The following SNTG1 variants were observed in gnomAD, a reference collection of about 807,000 sequenced individuals.
The protein encoded by SNTG1 is syntrophin gamma 1, also known as gamma-1-syntrophin.
Under a neutral mutation model 74.7 loss-of-function variants are expected in SNTG1, and 39 were observed. The ratio of observed to expected loss-of-function variants is 0.52; its 90% CI spans 0.40 to 0.68. The LOEUF is 0.68. SNTG1 is among the 30% of genes least tolerant of loss of function. The pLI, the probability that SNTG1 is intolerant of heterozygous loss-of-function variation, is 0.00. For missense variants in SNTG1, 685 were observed against 609.5 expected (o/e 1.12, Z -1.30); for synonymous variants, 254 against 217.1 (o/e 1.17, Z -1.49).
intron 2 of SNTG1, among the ~76,000 whole-genome samples, chr8:50,390,175 T>A (rs1587438245): frequency 6.6e-6 from 1 of 152,114 alleles, no homozygotes; most frequent in Non-Finnish European, 1.5e-5. Flanking sequence ...ATGTCCTGAA[T>A]GGTATTGCCT....
intron 1 of SNTG1, among the ~76,000 whole-genome samples, chr8:49,964,434 TTC>T (rs1315351674): frequency 6.6e-6 from 1 of 152,104 alleles, no homozygotes; most frequent in Non-Finnish European, 1.5e-5. Context: ...GTTTCTCTAG[TTC>T]TCTCTCTCTC....
At chr8:50,462,568 T>C (rs1246666107) in intron 8 of SNTG1, among the ~76,000 whole-genome samples, 1 of 152,160 alleles carries the variant, frequency 6.6e-6, no homozygotes, top group Non-Finnish European at 1.5e-5. Flanking sequence ...TGAACTTCTT[T>C]CAATATTGGA....
At chr8:50,164,780 ATAT>A in intron 1 of SNTG1, among the ~76,000 whole-genome samples, 1 of 152,176 alleles carries the variant, frequency 6.6e-6, no homozygotes, top group East Asian at 1.9e-4. Flanking sequence ...TTTGGAAAAA[ATAT>A]TATCTCCAAC....
chr8:50,697,357 A>G (rs1327826667), intron 15 of SNTG1, among the ~76,000 whole-genome samples: 1 of 152,112 alleles, frequency 6.6e-6, no homozygotes, highest in African/African-American at 2.4e-5. Flanking sequence ...GAGATACATG[A>G]TTATATCATC....
chr8:50,155,883 C>T (rs1420318842), intron 1 of SNTG1, among the ~76,000 whole-genome samples: 2 of 151,616 alleles, frequency 1.3e-5, no homozygotes, highest in South Asian at 2.1e-4. Flanking sequence ...ACAAATACAT[C>T]TCTAGTTAGA....
intron 2 of SNTG1, among the ~76,000 whole-genome samples, chr8:50,243,180 T>TAA (rs1554617628): frequency 2.3e-4 from 1 of 4,302 alleles, no homozygotes; most frequent in African/African-American, 2.5e-4. Flanking sequence ...TGAATTATCT[T>TAA]ATATATTTGA....
intron 2 of SNTG1, among the ~76,000 whole-genome samples, chr8:50,211,530 C>A (rs1256006532): frequency 6.6e-6 from 1 of 151,930 alleles, no homozygotes; most frequent in African/African-American, 2.4e-5. Flanking sequence ...TCAGTTGCAC[C>A]AATGAGATTG....
At chr8:50,759,581 C>T (rs558072641) in intron 18 of SNTG1, among the ~76,000 whole-genome samples, 3 of 151,968 alleles carry the variant, frequency 2.0e-5, no homozygotes, top group African/African-American at 7.2e-5. Flanking sequence ...TTCCCCATTG[C>T]TTGTTTTTGT....
In SNTG1 at chr8:50,369,423, C is replaced by A. The variant is rs1013056748; in HGVS notation, c.-27-24789C>A. On this transcript the variant is annotated intron_variant, in intron 2 of 18. Coordinates refer to ENST00000642720, the MANE Select transcript of SNTG1 (RefSeq NM_018967.5). ...ACGAGCCTGACCAACATGGGGAAAC[C>A]CCATCTCTACTGAAAATACAAAATT... 2.0e-5 allele frequency among the ~76,000 whole-genome samples: 3 copies of A among 151,916 alleles called. No individual in the cohort carries two copies. The East Asian group carries it at 5.8e-4, about 29-fold the overall frequency.
chr8:50,302,391 A>G (rs775502493), intron 2 of SNTG1, among the ~76,000 whole-genome samples: 15 of 152,092 alleles, frequency 9.9e-5, no homozygotes, highest in Non-Finnish European at 1.6e-4. Flanking sequence ...TGGGATCACT[A>G]TAATTTTGAC....
At chr8:50,545,571 G>T (rs2094381397) in intron 11 of SNTG1, among the ~76,000 whole-genome samples, 1 of 149,650 alleles carries the variant, frequency 6.7e-6, no homozygotes, top group Admixed American at 6.7e-5. Flanking sequence ...ATGGCTGAAA[G>T]TACTCAATAA....
At chr8:50,252,786 C>G (rs1206083168) in intron 2 of SNTG1, among the ~76,000 whole-genome samples, 1 of 152,190 alleles carries the variant, frequency 6.6e-6, no homozygotes, top group Non-Finnish European at 1.5e-5. Context: ...ATGACTCAAA[C>G]ACCTCCCACC....
intron 17 of SNTG1, among the ~76,000 whole-genome samples, chr8:50,736,887 G>A (rs7828938): frequency 0.31 from 47,324 of 151,766 alleles, 9,064 homozygotes; most frequent in African/African-American, 0.54. Flanking sequence ...ACAACGTACC[G>A]GAATCTCTGG....
chr8:50,169,441 ACTTAATAT>A (rs2082733271), intron 1 of SNTG1, among the ~76,000 whole-genome samples: 1 of 152,206 alleles, frequency 6.6e-6, no homozygotes, highest in Non-Finnish European at 1.5e-5. Context: ...CTTAAATGCA[ACTTAATAT>A]CTTGGACATC....
intron 15 of SNTG1, among the ~76,000 whole-genome samples, chr8:50,693,494 A>T (rs1354795296): frequency 6.6e-6 from 1 of 152,204 alleles, no homozygotes; most frequent in South Asian, 2.1e-4. Flanking sequence ...ATATTAAAGG[A>T]CCTGAAAAGA....
chr8:50,413,965 A>T (rs532655574), intron 4 of SNTG1, among the ~76,000 whole-genome samples: 3 of 152,174 alleles, frequency 2.0e-5, no homozygotes, highest in Non-Finnish European at 4.4e-5. Context: ...TATACATTTG[A>T]TATCTCCTTT....
At chr8:50,429,453 C>T (rs73581355) in intron 4 of SNTG1, among the ~76,000 whole-genome samples, 4,251 of 152,122 alleles carry the variant, frequency 0.028, 188 homozygotes, top group African/African-American at 0.096. Context: ...AATTTTGAAC[C>T]CTACCTCACA....
intron 2 of SNTG1, among the ~76,000 whole-genome samples, chr8:50,177,245 G>A (rs2083032298): frequency 2.0e-5 from 3 of 152,190 alleles, no homozygotes; most frequent in Admixed American, 1.3e-4. Flanking sequence ...GAGAGGTAGT[G>A]TCTCCCTGAG....
chr8:50,104,799 T>C (rs1286524076), intron 1 of SNTG1, among the ~76,000 whole-genome samples: 1 of 152,158 alleles, frequency 6.6e-6, no homozygotes, highest in Non-Finnish European at 1.5e-5. Flanking sequence ...CATCTTTATT[T>C]CTGCCTTCAT....
Sources: gnomAD v4.1 joint callset for allele counts (sites outside exome capture counted in the v4.1 genomes callset) on GRCh38, gnomAD v4.1.1 for gene constraint, MANE v1.5 for transcripts, NCBI Gene and HGNC (gene_info 2026-07-23, HGNC 2026-07-21) for gene names.